Variants in ITFG2 observed in about 807,000 individuals in gnomAD.
ITFG2 encodes integrin alpha FG-GAP repeat containing 2.
In ITFG2, 36 loss-of-function variants were observed where a neutral mutation model predicts 54.4. That is an observed-to-expected ratio of 0.66 (90% CI 0.51 to 0.87). The LOEUF is 0.87. ITFG2 is among the 40% of genes least tolerant of loss of function. The probability of loss-of-function intolerance (pLI) is 0.00; values close to 1 mark genes in which losing one functional copy is unlikely to be tolerated. For synonymous variants in ITFG2, 211 were observed against 225.4 expected, an observed-to-expected ratio of 0.94 and a Z score of 0.57; for missense variants, 524 against 576.7, an observed-to-expected ratio of 0.91 and a Z score of 0.94.
At chr12:2,855,239 C>T in intron 2 of ITFG2, 3 of 1,507,070 alleles carry the variant, frequency 2.0e-6, no homozygotes, top group South Asian at 2.5e-5. Flanking sequence ...GTGTGAAAGC[C>T]CCAGGTGTGC....
At chr12:2,853,958 C>T (rs1199199878) in intron 2 of ITFG2, among the ~76,000 whole-genome samples, 1 of 152,172 alleles carries the variant, frequency 6.6e-6, no homozygotes, top group Non-Finnish European at 1.5e-5. Context: ...CTTCCTGTGG[C>T]GGGGACACTC....
In ITFG2 at chr12:2,824,421, C is replaced by T; in HGVS notation, c.*228C>T. The T allele has an allele frequency of 3.4e-6, 2 of 586,194 alleles. No individual in the cohort carries two copies. Among genetic ancestry groups the T allele is most frequent in the South Asian group, 3.5e-5 (2 of 57,652 alleles). 36.3% of individuals were successfully genotyped at this position (586,194 alleles called of 1,614,324 possible). ...CCTCTGCCCATTTCCTTATGGACCT[C>T]ACCCATCATGCCAGCAGGGTCATAG... On this transcript the variant is annotated 3_prime_UTR_variant, in exon 12 of 12. Transcript: ENST00000228799.
chr12:2,848,422 C>T (rs2098059153), intron 2 of ITFG2, among the ~76,000 whole-genome samples: 2 of 152,204 alleles, frequency 1.3e-5, no homozygotes, highest in African/African-American at 4.8e-5. Context: ...TCTTTGACTC[C>T]CTGATAGAAA....
At chr12:2,854,492 C>T (rs761177676) in intron 2 of ITFG2, among the ~76,000 whole-genome samples, 3 of 152,228 alleles carry the variant, frequency 2.0e-5, no homozygotes, top group Non-Finnish European at 1.5e-5. Context: ...TCCAGGCCTT[C>T]GGGCTACAGC....
intron 2 of ITFG2, among the ~76,000 whole-genome samples, chr12:2,842,279 G>A (rs151155750): frequency 0.027 from 4,024 of 150,902 alleles, 171 homozygotes; most frequent in African/African-American, 0.093. Flanking sequence ...GTGCCACCAC[G>A]CCCAGCTATT....
At chr12:2,827,599 G>A, downstream of ITFG2, 1 of 1,614,094 alleles carries the variant, frequency 6.2e-7, no homozygotes, top group Non-Finnish European at 8.5e-7. The surrounding 1 kb of genome is among the most constrained non-coding windows in gnomAD (Gnocchi z 4.0). Flanking sequence ...CAGTGCTTTG[G>A]GTCAGGCCCT....
intron 2 of ITFG2, among the ~76,000 whole-genome samples, chr12:2,850,684 TTTTG>T (rs200524135): frequency 0.22 from 33,919 of 151,522 alleles, 4,979 homozygotes; most frequent in African/African-American, 0.42. Flanking sequence ...TTTTGTTTTG[TTTTG>T]TTGAGACAGA....
chr12:2,855,143 C>T (rs907841331), intron 2 of ITFG2: 15 of 1,528,960 alleles, frequency 9.8e-6, no homozygotes, highest in African/African-American at 2.8e-5. Flanking sequence ...GCATTGGAGT[C>T]GGTCAGCCAG....
intron 5 of ITFG2, 64 bp from the exon 6 acceptor site, chr12:2,820,660 C>CCCGGGG: frequency 8.1e-7 from 1 of 1,227,974 alleles, no homozygotes; most frequent in Non-Finnish European, 1.2e-6. Flanking sequence ...CGCCCCCTGC[C>CCCGGGG]GTTCTCTGCA....
downstream of ITFG2, chr12:2,827,930 C>T: frequency 6.2e-7 from 1 of 1,614,074 alleles, no homozygotes; most frequent in Non-Finnish European, 8.5e-7. This position sits in a 1 kb window ranked among gnomAD's most constrained non-coding sequence, Gnocchi z 4.0. Context: ...ACTTACCCAC[C>T]ACCTGTGCCG....
intron 2 of ITFG2, among the ~76,000 whole-genome samples, chr12:2,852,194 C>T (rs2098073212): frequency 6.6e-6 from 1 of 152,144 alleles, no homozygotes; most frequent in Non-Finnish European, 1.5e-5. Flanking sequence ...AGACACATTC[C>T]TTCATTCCTG....
intron 4 of ITFG2, 199 bp downstream of exon 4, chr12:2,818,476 C>T (rs2097929456): frequency 5.8e-6 from 6 of 1,026,112 alleles, no homozygotes; most frequent in Non-Finnish European, 8.4e-6. Context: ...TTGCTGCCCT[C>T]CTGGGCCTTA....
intron 4 of ITFG2, chr12:2,818,639 G>C (rs2097930150): frequency 3.3e-6 from 1 of 306,846 alleles, no homozygotes; most frequent in Non-Finnish European, 6.2e-6. Flanking sequence ...CTCCACTCCA[G>C]CGTGGGACCC....
intron 4 of ITFG2, chr12:2,818,602 G>A (rs1366047725): frequency 1.2e-5 from 5 of 406,242 alleles, no homozygotes; most frequent in Admixed American, 3.6e-5. Context: ...GTTCCAGGCT[G>A]TAGTGAGCTA....
chr12:2,818,474 CTCCT>C, intron 4 of ITFG2, 197 bp downstream of exon 4: 1 of 1,035,954 alleles, frequency 9.7e-7, no homozygotes, highest in Non-Finnish European at 1.4e-6. Flanking sequence ...AATTGCTGCC[CTCCT>C]GGGCCTTATT....
chr12:2,852,628 G>A (rs1307736254), intron 2 of ITFG2, among the ~76,000 whole-genome samples: 3 of 152,184 alleles, frequency 2.0e-5, no homozygotes, highest in Middle Eastern at 3.4e-3. Flanking sequence ...GCCTCCCAAA[G>A]TGTTGGGATT....
Position 2,837,554 on chromosome 12 carries a change from T to C in ITFG2, n.146+598T>C, listed in dbSNP as rs1603485138. ...TGGGAGGCTGAGGCAGGAGAATTGC[T>C]TGAAGCCGGGAGGAGGAGGTTGCAG... is the stretch of plus-strand genomic sequence containing the variant. On this transcript the variant is annotated intron_variant and non_coding_transcript_variant, in intron 1 of 3. Coordinates refer to the ITFG2 transcript ENST00000537710. Among the ~76,000 whole-genome samples, 5 of 152,164 alleles carry C rather than the reference T, an allele frequency of 3.3e-5. 1 individual carries two copies. The highest frequency in any genetic ancestry group is 7.4e-5 in the Non-Finnish European group (5 of 67,990).
At chr12:2,841,105 G>A (rs1353764194) in intron 2 of ITFG2, 1 of 152,700 alleles carries the variant, frequency 6.5e-6, no homozygotes, top group African/African-American at 2.4e-5. Context: ...CTCCTCCTAT[G>A]GCTAGTCACT....
At chr12:2,834,121 G>A (rs1363108743), upstream of ITFG2, among the ~76,000 whole-genome samples, 1 of 152,200 alleles carries the variant, frequency 6.6e-6, no homozygotes, top group Non-Finnish European at 1.5e-5. Flanking sequence ...TGGGGGAGCA[G>A]CACTCAAGGC....
Sources: gnomAD v4.1 joint callset for allele counts (sites outside exome capture counted in the v4.1 genomes callset) on GRCh38, gnomAD v4.1.1 for gene constraint, Gnocchi (gnomAD v3.1) non-coding constraint, MANE v1.5 for transcripts, NCBI Gene and HGNC (gene_info 2026-07-23, HGNC 2026-07-21) for gene names.